HTR5A: variants seen among roughly 807,000 people sequenced by gnomAD.
The protein encoded by HTR5A is 5-hydroxytryptamine receptor 5A, also known as 5-HT-5.
HTR5A carries 21 observed loss-of-function variants against 24.3 expected under a neutral mutation model. That is an observed-to-expected ratio of 0.86 (90% confidence interval 0.61 to 1.24). The LOEUF (loss-of-function observed/expected upper bound fraction) is 1.24. HTR5A is among the 50% of genes most tolerant of loss of function. The pLI, the probability that HTR5A is intolerant of heterozygous loss-of-function variation, is 0.00. For missense variants in HTR5A, 497 were observed against 489.5 expected, an observed-to-expected ratio of 1.02 and a Z score of -0.15; for synonymous variants, 260 against 213.7, an observed-to-expected ratio of 1.22 and a Z score of -1.89.
intron 1 of HTR5A, among the ~76,000 whole-genome samples, chr7:155,072,024 C>T (rs550342826): frequency 7.2e-5 from 11 of 152,084 alleles, no homozygotes; most frequent in African/African-American, 1.9e-4. Flanking sequence ...TAGCAGCTTC[C>T]AGCACTTAGA....
rs370119720 is a variant in HTR5A, at chr7:155,072,622, G to A, written c.741+982G>A. 1.4e-4 allele frequency among the ~76,000 whole-genome samples: 21 copies of A among 152,298 alleles called. No individual in the cohort carries two copies. In the South Asian group the frequency reaches 4.1e-3, roughly 30 times the overall value. On this transcript the variant is annotated intron_variant, in intron 1 of 1. Coordinates refer to ENST00000287907, the MANE Select transcript of HTR5A (RefSeq NM_024012.4). The stretch of plus-strand genomic sequence containing the variant: ...TAATTCACACATTTAGGTTAGACCA[G>A]AAGTCTACACAGTCCCCATTTTCTG...
chr7:155,080,089 G>A (rs976571742), intron 1 of HTR5A, among the ~76,000 whole-genome samples: 1 of 152,202 alleles, frequency 6.6e-6, no homozygotes, highest in African/African-American at 2.4e-5. Flanking sequence ...TTCAACAGAA[G>A]AAGGAGTTCC....
Position 155,071,137 on chromosome 7 carries a change from G to T in HTR5A, c.238G>T (p.Ala80Ser), listed in dbSNP as rs1795287270. ...CCACCGCGTGCCCCACAACCTGGTG[G>T]CATCCATGGCCGTCTCGGATGTCCT... ...TFHRVPHNLV[A>S]SMAVSDVLVA... The change falls in exon 1 of 2, where the codon GCA becomes TCA. Residue 80 changes from alanine (A) to serine (S), a missense_variant. Coordinates refer to ENST00000287907, the MANE Select transcript of HTR5A (RefSeq NM_024012.4). 46 of 1,604,986 alleles carry T rather than the reference G, an allele frequency of 2.9e-5. No homozygotes were observed. Among genetic ancestry groups the T allele is most frequent in the Non-Finnish European group, 3.8e-5 (45 of 1,179,926 alleles).
chr7:155,071,073 C>A lies in HTR5A; in HGVS notation c.174C>A (p.Asn58Lys). 1.9e-6 allele frequency: 3 copies of A among 1,609,182 alleles called. No homozygotes were observed. The highest frequency in any genetic ancestry group is 1.6e-4 in the Middle Eastern group (1 of 6,062). ...TGGTGGCGGCGACGTTCGCCTGGAA[C>A]CTGCTGGTGCTGGCGACCATCCTCC... is the stretch of plus-strand genomic sequence containing the variant. The part of the protein sequence containing the change: ...GFLVAATFAW[N>K]LLVLATILRV... Residue 58 changes from asparagine to lysine, a missense_variant, in exon 1 of 2, where the codon AAC (asparagine) becomes AAA (lysine). Coordinates refer to ENST00000287907, the MANE Select transcript of HTR5A (RefSeq NM_024012.4).
chr7:155,086,212 A>T lies in HTR5A; in HGVS notation c.*1725A>T, dbSNP rs188035315. Among the ~76,000 whole-genome samples the T allele has an allele frequency of 4.6e-5, 7 of 152,358 alleles. No individual in the cohort carries two copies. The highest frequency in any genetic ancestry group is 1.7e-4 in the African/African-American group (7 of 41,588). ...TTGAATAAGGGAAGGGAAGTGTTTG[A>T]AAAACCTTATTAAGTACCCCATGGC... On this transcript the variant is annotated 3_prime_UTR_variant, in exon 2 of 2. Coordinates refer to ENST00000287907, the MANE Select transcript of HTR5A (RefSeq NM_024012.4).
chr7:155,071,792 A>G, intron 1 of HTR5A, 152 bp downstream of exon 1: 1 of 746,774 alleles, frequency 1.3e-6, no homozygotes. Flanking sequence ...AGAAAGCATC[A>G]GAGATGTACT....
At chr7:155,076,868 A>G (rs1795364350) in intron 1 of HTR5A, among the ~76,000 whole-genome samples, 1 of 152,236 alleles carries the variant, frequency 6.6e-6, no homozygotes, top group South Asian at 2.1e-4. Flanking sequence ...TTTCTCTGAG[A>G]CAAGAAGGCA....
chr7:155,070,821 G>A lies in HTR5A; in HGVS notation c.-79G>A, dbSNP rs1348591726. The A allele has an allele frequency of 1.5e-5, 21 of 1,445,688 alleles. No individual in the cohort carries two copies. In the Admixed American group the frequency reaches 3.8e-4, roughly 26 times the overall value. The allele number at this position is 1,445,688 out of a possible 1,614,324, so 89.6% of individuals were successfully genotyped here. A position where few individuals can be genotyped will look rare whatever the true frequency, so the allele number is the denominator to read the frequency against. On this transcript the variant is annotated 5_prime_UTR_variant, in exon 1 of 2. Transcript: ENST00000287907. Reference sequence around the variant, plus strand: ...CCAGAGGTTGCAAACATCCGGATTGGCTCTGGGCACAGTGGCCGCCTTAAG... The same window carrying A: ...CCAGAGGTTGCAAACATCCGGATTGACTCTGGGCACAGTGGCCGCCTTAAG...
rs1480908171 is a variant in HTR5A, at chr7:155,086,124, T to C, written c.*1637T>C. Among the ~76,000 whole-genome samples, 1 of 152,218 alleles carries C rather than the reference T, an allele frequency of 6.6e-6. No homozygotes were observed. The highest frequency in any genetic ancestry group is 2.4e-5 in the African/African-American group (1 of 41,456). On this transcript the variant is annotated 3_prime_UTR_variant, in exon 2 of 2. Coordinates refer to ENST00000287907, the MANE Select transcript of HTR5A (RefSeq NM_024012.4). ...TACTCAAGTTACTTTTCCCCATTAT[T>C]ACTCGAAATCAGAGAGAATAACAAA...
rs933598217 is a variant in HTR5A, at chr7:155,086,395, C to T, written c.*1908C>T. ...AAAAAGTTCATACTCTTCAGTAAAGCGAAGCTTGAGGAAGATGTGCCACAT... is the reference window on the plus strand; with the variant it reads ...AAAAAGTTCATACTCTTCAGTAAAGTGAAGCTTGAGGAAGATGTGCCACAT... On this transcript the variant is annotated 3_prime_UTR_variant, in exon 2 of 2. Coordinates refer to ENST00000287907, the MANE Select transcript of HTR5A (RefSeq NM_024012.4). 1.2e-4 allele frequency among the ~76,000 whole-genome samples: 19 copies of T among 152,190 alleles called. No individual in the cohort carries two copies. Among genetic ancestry groups the T allele is most frequent in the African/African-American group, 3.1e-4 (13 of 41,458 alleles).
rs956621707 is a variant in HTR5A, at chr7:155,070,365, G to A, written c.-535G>A. ...AGCTGCAGCCTCCGAAGGGGTGGCGGGGGCAACAGGGACAGAAGGCAGGTC... is the reference window on the plus strand; with the variant it reads ...AGCTGCAGCCTCCGAAGGGGTGGCGAGGGCAACAGGGACAGAAGGCAGGTC... On this transcript the variant is annotated 5_prime_UTR_variant, in exon 1 of 2. Transcript: ENST00000287907. 4.4e-6 allele frequency: 2 copies of A among 454,844 alleles called. No individual in the cohort carries two copies. Among genetic ancestry groups the A allele is most frequent in the African/African-American group, 4.0e-5 (2 of 50,012 alleles). 28.2% of individuals were successfully genotyped at this position (454,844 alleles called of 1,614,324 possible).
rs1481795959 is a variant in HTR5A, at chr7:155,084,803, A to G, written c.*316A>G. ...ATGGTGATCGACATTGTCTTAAAGA[A>G]GTCAAGGCAAATAAGAAGGAGGAGG... On this transcript the variant is annotated 3_prime_UTR_variant, in exon 2 of 2. Transcript: ENST00000287907. 4.0e-6 allele frequency: 1 copy of G among 250,170 alleles called. No individual in the cohort carries two copies. The highest frequency in any genetic ancestry group is 7.5e-6 in the Non-Finnish European group (1 of 133,760). 15.5% of individuals were successfully genotyped at this position (250,170 alleles called of 1,614,324 possible).
chr7:155,084,745 A>T lies in HTR5A; in HGVS notation c.*258A>T. 1 of 423,896 alleles carries T rather than the reference A, an allele frequency of 2.4e-6. No homozygotes were observed. The highest frequency in any genetic ancestry group is 4.2e-6 in the Non-Finnish European group (1 of 240,254). 26.3% of individuals were successfully genotyped at this position (423,896 alleles called of 1,614,324 possible). A position where few individuals can be genotyped will look rare whatever the true frequency, so the allele number is the denominator to read the frequency against. On this transcript the variant is annotated 3_prime_UTR_variant, in exon 2 of 2. Transcript: ENST00000287907. ...GCTGACAGTCATGGTCTTTGCCCGC[A>T]AAGTGTCCTTTCCTCCCCAAATTCA... is the stretch of plus-strand genomic sequence containing the variant.
At position 155,086,889 on chromosome 7, in the gene HTR5A, T is replaced by G. The variant is rs753118; in HGVS notation, c.*2402T>G. On this transcript the variant is annotated 3_prime_UTR_variant, in exon 2 of 2. Transcript: ENST00000287907. The stretch of plus-strand genomic sequence containing the variant: ...GAAGTAATTGCTCAAAATAACTAAT[T>G]GTGTTCCCGTGCCAGATTGCAACAA... 0.78 allele frequency among the ~76,000 whole-genome samples: 117,706 copies of G among 151,568 alleles called. 46,645 individuals carry two copies. The highest frequency in any genetic ancestry group is 0.95 in the African/African-American group (39,188 of 41,436).
rs181547800 is a variant in HTR5A at position 155,075,723 on chromosome 7, G to A, written c.741+4083G>A. Among the ~76,000 whole-genome samples, 217 of 152,248 alleles carry A rather than the reference G, an allele frequency of 1.4e-3. 2 individuals are homozygous for A. The highest frequency in any genetic ancestry group is 4.9e-3 in the African/African-American group (203 of 41,542). On this transcript the variant is annotated intron_variant, in intron 1 of 1. Transcript: ENST00000287907. ...CTATAGGGTAAACTCTTCCATGACT[G>A]GCCACAAGGAAACTGAAGGCTATTC...
At chr7:155,082,558 C>T (rs930143815) in intron 1 of HTR5A, among the ~76,000 whole-genome samples, 1 of 152,182 alleles carries the variant, frequency 6.6e-6, no homozygotes, top group African/African-American at 2.4e-5. Context: ...TACCAGTGTC[C>T]CCATTGTCAC....
In HTR5A at chr7:155,071,017, G is replaced by A. The variant is rs774800359; in HGVS notation, c.118G>A (p.Gly40Arg). 1 of 1,611,482 alleles carries A rather than the reference G, an allele frequency of 6.2e-7. No homozygotes were observed. Among genetic ancestry groups the A allele is most frequent in the Non-Finnish European group, 8.5e-7 (1 of 1,180,038 alleles). The change falls in exon 1 of 2, where the codon GGA (glycine) becomes AGA (arginine). Residue 40 changes from glycine (G) to arginine (R), a missense_variant. Gly to Arg is a moderately radical substitution (Grantham distance 125). Coordinates refer to ENST00000287907, the MANE Select transcript of HTR5A (RefSeq NM_024012.4). ...RPSSPLLSVF[G>R]VLILTLLGFL... is the part of the protein sequence containing the mutation. ...CAGCTCGCCCCTGCTCTCGGTCTTC[G>A]GAGTGCTTATTCTCACCTTGCTGGG...
At chr7:155,073,878 T>TATATATATGTATATATATAC (rs1795328415) in intron 1 of HTR5A, among the ~76,000 whole-genome samples, 8 of 3,822 alleles carry the variant, frequency 2.1e-3, no homozygotes, top group African/African-American at 2.2e-3. Context: ...TATATATATG[T>TATATATATGTATATATATAC]ATATATATAT....
intron 1 of HTR5A, among the ~76,000 whole-genome samples, chr7:155,083,327 G>A (rs1025244559): frequency 7.2e-5 from 11 of 152,212 alleles, no homozygotes; most frequent in African/African-American, 2.4e-4. Flanking sequence ...CGCACATTTT[G>A]ATTGGATCAA....
Sources: gnomAD v4.1 joint callset for allele counts (sites outside exome capture counted in the v4.1 genomes callset) on GRCh38, gnomAD v4.1.1 for gene constraint, MANE v1.5 for transcripts, NCBI Gene and HGNC (gene_info 2026-07-23, HGNC 2026-07-21) for gene names.